The following FAM171B variants were observed in gnomAD, a reference collection of about 807,000 sequenced individuals.
FAM171B encodes family with sequence similarity 171 member B, also known as protein FAM171B.
Under a neutral mutation model 75.6 loss-of-function variants are expected in FAM171B, and 19 were observed. The ratio of observed to expected loss-of-function variants is 0.25; its 90% CI spans 0.18 to 0.37. The LOEUF (loss-of-function observed/expected upper bound fraction) is 0.37. Ranked by LOEUF, FAM171B falls within the 10% of genes least tolerant of loss-of-function variation. FAM171B has a pLI of 1.00. For synonymous variants in FAM171B, 367 were observed against 361.7 expected (o/e 1.01, Z -0.17); for missense variants, 848 against 982.4 (o/e 0.86, Z 1.83).
At chr2:186,742,288 C>T (rs1198219891) in intron 2 of FAM171B, among the ~76,000 whole-genome samples, 1 of 152,218 alleles carries the variant, frequency 6.6e-6, no homozygotes, top group East Asian at 1.9e-4. Context: ...CAGAAAGATT[C>T]TCCTCATGTT....
intron 1 of FAM171B, among the ~76,000 whole-genome samples, chr2:186,712,282 A>G (rs1689820183): frequency 6.6e-6 from 1 of 152,066 alleles, no homozygotes; most frequent in African/African-American, 2.4e-5. Flanking sequence ...ATTGCTATGA[A>G]ACATAATCTC....
chr2:186,757,313 A>C (rs897796870), intron 6 of FAM171B, among the ~76,000 whole-genome samples: 2 of 152,112 alleles, frequency 1.3e-5, no homozygotes, highest in Admixed American at 1.3e-4. Context: ...AGACCACATA[A>C]TAGAACAAAA....
intron 6 of FAM171B, among the ~76,000 whole-genome samples, chr2:186,755,116 C>G (rs1690515078): frequency 6.6e-6 from 1 of 152,092 alleles, no homozygotes; most frequent in African/African-American, 2.4e-5. Context: ...GTACATTCCT[C>G]AAAATATTCA....
At chr2:186,700,084 T>C (rs1047252690) in intron 1 of FAM171B, among the ~76,000 whole-genome samples, 16 of 152,026 alleles carry the variant, frequency 1.1e-4, no homozygotes, top group Non-Finnish European at 1.6e-4. Context: ...TTGTTTTTTT[T>C]TTAGCTCAGG....
Position 186,694,134 on chromosome 2 carries a change from AG to A in FAM171B, c.-39del. 6.8e-7 allele frequency: 1 copy of A among 1,475,606 alleles called. No homozygotes were observed. The allele number at this position is 1,475,606 out of a possible 1,614,324, so 91.4% of individuals were successfully genotyped here. On this transcript the variant is annotated 5_prime_UTR_variant, in exon 1 of 8. Transcript: ENST00000304698. ...AGCCCTGGCGCCCGCCGCCGCCCGG[AG>A]CCCCGCAATATGCCGCCGCGGCCCT... is the stretch of plus-strand genomic sequence containing the variant.
At chr2:186,730,152 G>A (rs992105534) in intron 1 of FAM171B, among the ~76,000 whole-genome samples, 1 of 152,082 alleles carries the variant, frequency 6.6e-6, no homozygotes. Flanking sequence ...ATAGAGACAG[G>A]GTTTTACCAT....
chr2:186,738,468 G>T (rs1559088825), intron 1 of FAM171B, among the ~76,000 whole-genome samples: 1 of 152,096 alleles, frequency 6.6e-6, no homozygotes, highest in African/African-American at 2.4e-5. Context: ...AGTGCATGCA[G>T]AATAGTCCAT....
At chr2:186,709,980 G>C (rs1398984042) in intron 1 of FAM171B, among the ~76,000 whole-genome samples, 1 of 152,150 alleles carries the variant, frequency 6.6e-6, no homozygotes. Context: ...TTAGCCTAGA[G>C]ATTCACTCAT....
intron 1 of FAM171B, among the ~76,000 whole-genome samples, chr2:186,728,278 T>C (rs1690063813): frequency 1.3e-5 from 2 of 152,234 alleles, no homozygotes; most frequent in African/African-American, 4.8e-5. Context: ...TTAGATACTA[T>C]AGGAAGTTCT....
At chr2:186,714,264 G>T (rs1330795868) in intron 1 of FAM171B, among the ~76,000 whole-genome samples, 1 of 152,134 alleles carries the variant, frequency 6.6e-6, no homozygotes, top group East Asian at 1.9e-4. Flanking sequence ...AGATCTGGAA[G>T]ATTGTGTTCT....
At chr2:186,709,870 G>C (rs1268123391) in intron 1 of FAM171B, among the ~76,000 whole-genome samples, 1 of 152,140 alleles carries the variant, frequency 6.6e-6, no homozygotes, top group African/African-American at 2.4e-5. Flanking sequence ...AAATGTAATT[G>C]CACATAGCAG....
At chr2:186,728,700 A>G (rs1182000259) in intron 1 of FAM171B, among the ~76,000 whole-genome samples, 5 of 152,218 alleles carry the variant, frequency 3.3e-5, no homozygotes, top group African/African-American at 1.2e-4. Context: ...GTTGTAGCAT[A>G]TGAAATGAAA....
At chr2:186,749,809 G>T (rs968434949) in intron 4 of FAM171B, among the ~76,000 whole-genome samples, 2 of 152,070 alleles carry the variant, frequency 1.3e-5, no homozygotes, top group African/African-American at 2.4e-5. Context: ...GTTCTTGAAG[G>T]TTCTTCCCAT....
In FAM171B at chr2:186,725,258, G is replaced by T. The variant is rs192990434; in HGVS notation, c.239-14970G>T. Among the ~76,000 whole-genome samples the T allele has an allele frequency of 3.9e-5, 6 of 151,948 alleles. No individual in the cohort carries two copies. In the East Asian group the frequency reaches 9.7e-4, roughly 25 times the overall value. On this transcript the variant is annotated intron_variant, in intron 1 of 7. Transcript: ENST00000304698. ...ACTTGGGAGGCTGAAGCAGGAGAAT[G>T]GTGTTAACCCGGGAGGCGGAGCTTG...
At chr2:186,719,141 A>C (rs887602810) in intron 1 of FAM171B, among the ~76,000 whole-genome samples, 4 of 152,302 alleles carry the variant, frequency 2.6e-5, no homozygotes, top group South Asian at 4.1e-4. Context: ...CATTGGAGAA[A>C]ATGCTCCATC....
rs891286718 is a variant in FAM171B at position 186,761,790 on chromosome 2, A to G, written c.1448A>G (p.Gln483Arg). Residue 483 changes from glutamine (Q) to arginine (R), a missense_variant, in exon 8 of 8, where the codon CAG (glutamine) becomes CGG (arginine). Physicochemically the swap from Gln to Arg is conservative, Grantham distance 43 (BLOSUM62 1). This residue lies in a region of FAM171B where 665 missense variants were observed against 729.0 expected (regional missense o/e 0.91). Transcript: ENST00000304698. ...NQNNYSRNPTQSLEPNVGSKQ... is the reference protein window; with the variant it reads ...NQNNYSRNPTRSLEPNVGSKQ... ...AATAATTACTCAAGAAACCCAACAC[A>G]GTCTTTGGAGCCCAATGTAGGGTCC... The G allele has an allele frequency of 3.1e-6, 5 of 1,613,248 alleles. No individual in the cohort carries two copies. The highest frequency in any genetic ancestry group is 4.2e-6 in the Non-Finnish European group (5 of 1,179,752).
At chr2:186,750,475 T>G (rs1423681162) in intron 4 of FAM171B, among the ~76,000 whole-genome samples, 4 of 152,204 alleles carry the variant, frequency 2.6e-5, no homozygotes, top group African/African-American at 9.6e-5. Context: ...AATCTAAGTT[T>G]ATATTCTTTC....
rs530919001 is a variant in FAM171B at position 186,763,318 on chromosome 2, G to GAGTT, written c.*497_*500dup. On this transcript the variant is annotated 3_prime_UTR_variant, in exon 8 of 8. Transcript: ENST00000304698. Reference sequence around the variant, plus strand: ...AATGACTTGGACTGATGTTACTCTGGAGTTATCACAAAGAAAATGTTGTTT... The same window carrying GAGTT: ...AATGACTTGGACTGATGTTACTCTGGAGTTAGTTATCACAAAGAAAATGTTGTTT... 1.9e-5 allele frequency: 3 copies of GAGTT among 153,860 alleles called. No homozygotes were observed. Among genetic ancestry groups the GAGTT allele is most frequent in the Non-Finnish European group, 4.3e-5 (3 of 69,384 alleles). 9.5% of individuals were successfully genotyped at this position (153,860 alleles called of 1,614,324 possible). A position where few individuals can be genotyped will look rare whatever the true frequency, so the allele number is the denominator to read the frequency against.
intron 2 of FAM171B, among the ~76,000 whole-genome samples, chr2:186,742,408 C>A (rs1159508162): frequency 6.6e-6 from 1 of 152,132 alleles, no homozygotes; most frequent in East Asian, 1.9e-4. Context: ...ATCCATTAAT[C>A]AGTCTAAATG....
Sources: gnomAD v4.1 joint callset for allele counts (sites outside exome capture counted in the v4.1 genomes callset) on GRCh38, gnomAD v4.1.1 for gene constraint, gnomAD v4.1.1 regional missense constraint, MANE v1.5 for transcripts, NCBI Gene and HGNC (gene_info 2026-07-23, HGNC 2026-07-21) for gene names.